CHM: variants seen among roughly 807,000 people sequenced by gnomAD.
CHM encodes CHM Rab escort protein, also known as rab proteins geranylgeranyltransferase component A 1.
A neutral mutation model predicts 49.0 loss-of-function variants in CHM; 10 were observed. That is an observed-to-expected ratio of 0.20 (90% CI 0.13 to 0.35). The LOEUF is 0.35. CHM is among the 10% of genes least tolerant of loss of function. The probability of loss-of-function intolerance (pLI) is 1.00; values close to 1 mark genes in which losing one functional copy is unlikely to be tolerated. For synonymous variants in CHM, 184 were observed against 167.5 expected (o/e 1.10, Z -0.76); for missense variants, 455 against 478.4 (o/e 0.95, Z 0.46).
intron 8 of CHM, among the ~76,000 whole-genome samples, chrX:85,931,736 T>C (rs1167141105): frequency 8.9e-6 from 1 of 111,957 alleles, no homozygotes; most frequent in Non-Finnish European, 1.9e-5. Context: ...CTCTCATCTA[T>C]GCCAAAGCCT....
At chrX:85,940,716 G>A (rs1000183019) in intron 8 of CHM, among the ~76,000 whole-genome samples, 11 of 111,411 alleles carry the variant, frequency 9.9e-5, no homozygotes, top group Admixed American at 9.5e-4. Flanking sequence ...AAACATATAC[G>A]CACCATGTTA....
At chrX:86,020,823 T>C (rs995223417) in intron 2 of CHM, among the ~76,000 whole-genome samples, 10 of 102,928 alleles carry the variant, frequency 9.7e-5, no homozygotes, top group Admixed American at 2.2e-4. Flanking sequence ...GATGCTCTTA[T>C]ATATATCTCT....
At chrX:85,958,086 C>T in intron 6 of CHM, 111 bp from the exon 7 acceptor site, 1 of 960,946 alleles carries the variant, frequency 1.0e-6, no homozygotes, top group East Asian at 3.4e-5. Context: ...TCCACTCTAG[C>T]CAGGCTTTTT....
At chrX:85,868,018 A>AGTGTGTGTGT (rs1569391025) in intron 14 of CHM, among the ~76,000 whole-genome samples, 16 of 87,180 alleles carry the variant, frequency 1.8e-4, no homozygotes, top group African/African-American at 4.7e-4. Flanking sequence ...AATAGTTACC[A>AGTGTGTGTGT]CTGTGTGTGT....
At chrX:85,971,090 T>C (rs1225358497) in intron 4 of CHM, 2 of 616,709 alleles carry the variant, frequency 3.2e-6, no homozygotes, top group African/African-American at 4.9e-5. Flanking sequence ...GAATACATAA[T>C]ATATAAATAC....
At chrX:85,941,027 A>G (rs1480125379) in intron 8 of CHM, among the ~76,000 whole-genome samples, 2 of 111,849 alleles carry the variant, frequency 1.8e-5, no homozygotes, top group Non-Finnish European at 3.8e-5. Context: ...ATCAAGGTCT[A>G]TGTCATATTC....
chrX:85,917,942 G>A (rs377535102), intron 8 of CHM, among the ~76,000 whole-genome samples: 25 of 111,438 alleles, frequency 2.2e-4, no homozygotes, highest in African/African-American at 7.5e-4. Context: ...TAACACATCC[G>A]CATTCCTGAA....
intron 13 of CHM, 40 bp from the exon 14 acceptor site, chrX:85,873,252 A>AAT: frequency 1.0e-6 from 1 of 993,097 alleles, no homozygotes; most frequent in Non-Finnish European, 1.4e-6. Flanking sequence ...TCTAAAATAC[A>AAT]ATATGTTTGT....
At chrX:86,001,805 T>C (rs1932736610) in intron 2 of CHM, among the ~76,000 whole-genome samples, 1 of 109,926 alleles carries the variant, frequency 9.1e-6, no homozygotes, top group African/African-American at 3.3e-5. Flanking sequence ...CACAGCCCAT[T>C]ACAATCAATT....
intron 11 of CHM, among the ~76,000 whole-genome samples, chrX:85,896,088 C>G (rs1925809060): frequency 9.7e-6 from 1 of 103,219 alleles, no homozygotes; most frequent in Non-Finnish European, 2.0e-5. Flanking sequence ...TACCTGGACC[C>G]ACACCTATTC....
intron 2 of CHM, among the ~76,000 whole-genome samples, chrX:86,020,695 AT>A (rs1933502272): frequency 1.0e-5 from 1 of 100,392 alleles, no homozygotes; most frequent in Non-Finnish European, 2.1e-5. Context: ...TACATCTGAT[AT>A]ATACATCTGA....
chrX:85,932,247 T>G (rs745776959), intron 8 of CHM, among the ~76,000 whole-genome samples: 2 of 111,896 alleles, frequency 1.8e-5, no homozygotes, highest in African/African-American at 3.2e-5. Flanking sequence ...TAGGCCAATT[T>G]TATTAGTACA....
chrX:86,000,513 C>CAA (rs754600557), intron 2 of CHM, among the ~76,000 whole-genome samples: 937 of 58,745 alleles, frequency 0.016, 38 homozygotes, highest in East Asian at 0.045. Flanking sequence ...GGAATATATT[C>CAA]AAAAAAAAAA....
At position 85,956,311 on chromosome X, in the gene CHM, A is replaced by G. The variant is rs749991144; in HGVS notation, c.1008T>C (p.Ile336=). Residue 336 remains isoleucine (I), a synonymous_variant, in exon 8 of 15, where the codon ATT becomes ATC. Coordinates refer to ENST00000357749, the MANE Select transcript of CHM (RefSeq NM_000390.4). The part of the protein sequence containing the change: ...TQKLTPNLQY[I]VMHSIAMTSE... ...ATGTCATTGCAATTGAATGCATGAC[A>G]ATATATTGGAGGTTGGGGGTTAATT... 23 of 1,209,954 alleles carry G rather than the reference A, an allele frequency of 1.9e-5. No homozygotes were observed. The highest frequency in any genetic ancestry group is 2.3e-4 in the Middle Eastern group (1 of 4,355).
intron 4 of CHM, among the ~76,000 whole-genome samples, chrX:85,968,746 T>C (rs1357646049): frequency 3.6e-5 from 4 of 112,159 alleles, no homozygotes; most frequent in African/African-American, 1.3e-4. Flanking sequence ...GGCAAACATC[T>C]TGTAACTCCA....
chrX:85,937,908 T>A lies in CHM; in HGVS notation c.1166+18245A>T, dbSNP rs182925638. Among the ~76,000 whole-genome samples, 4 of 106,892 alleles carry A rather than the reference T, an allele frequency of 3.7e-5. No homozygotes were observed. In the East Asian group the frequency reaches 1.2e-3, roughly 32 times the overall value. The allele number at this position is 106,892 out of a possible 115,157, so 92.8% of individuals were successfully genotyped here. ...AGGAAAGGTTTAAAAAAGAAGGAAA[T>A]CAAACTCTATAATCTATATAGCCAA... On this transcript the variant is annotated intron_variant, in intron 8 of 14. Coordinates refer to ENST00000357749, the MANE Select transcript of CHM (RefSeq NM_000390.4).
chrX:85,976,418 C>T (rs1392296633), intron 4 of CHM, among the ~76,000 whole-genome samples: 6 of 111,070 alleles, frequency 5.4e-5, no homozygotes, highest in African/African-American at 2.0e-4. Context: ...GTCAGGAGAT[C>T]GAGACCATCC....
chrX:85,905,298 A>G (rs1926525869), intron 9 of CHM, among the ~76,000 whole-genome samples: 1 of 111,410 alleles, frequency 9.0e-6, no homozygotes, highest in African/African-American at 3.3e-5. Flanking sequence ...GTCTCCACTG[A>G]TACTGCCTTA....
At chrX:85,981,684 T>C in intron 3 of CHM, 53 bp downstream of exon 3, 1 of 868,031 alleles carries the variant, frequency 1.2e-6, no homozygotes, top group Non-Finnish European at 1.7e-6. Flanking sequence ...GCAGGGTTAC[T>C]ATGTAACATA....
Sources: gnomAD v4.1 joint callset for allele counts (sites outside exome capture counted in the v4.1 genomes callset) on GRCh38, gnomAD v4.1.1 for gene constraint, MANE v1.5 for transcripts, NCBI Gene and HGNC (gene_info 2026-07-23, HGNC 2026-07-21) for gene names.